The following SGCD variants were observed in gnomAD, a reference collection of about 807,000 sequenced individuals.
SGCD encodes delta-sarcoglycan.
A neutral mutation model predicts 36.6 loss-of-function variants in SGCD; 18 were observed. The observed-to-expected ratio is 0.49, with a 90% confidence interval of 0.34 to 0.73. The LOEUF is 0.73. Ranked by LOEUF, SGCD falls within the 30% of genes least tolerant of loss-of-function variation. SGCD has a pLI of 0.01. For missense variants in SGCD, 387 were observed against 346.7 expected (o/e 1.12, Z -0.92); for synonymous variants, 133 against 130.6 (o/e 1.02, Z -0.12).
intron 1 of SGCD, among the ~76,000 whole-genome samples, chr5:155,912,486 CT>C (rs1756650276): frequency 6.6e-6 from 1 of 152,158 alleles, no homozygotes; most frequent in African/African-American, 2.4e-5. Flanking sequence ...GCATTCGAAA[CT>C]AGTCTCTTCA....
chr5:156,749,752 AC>A (rs2113136264), intron 7 of SGCD, among the ~76,000 whole-genome samples: 1 of 152,144 alleles, frequency 6.6e-6, no homozygotes, highest in African/African-American at 2.4e-5. Context: ...GAAACACAAA[AC>A]CTCTATGAGG....
At chr5:156,746,470 A>G (rs1452736401) in intron 7 of SGCD, among the ~76,000 whole-genome samples, 1 of 152,236 alleles carries the variant, frequency 6.6e-6, no homozygotes, top group Non-Finnish European at 1.5e-5. Flanking sequence ...GATTGTATAA[A>G]CAGTAGTCTT....
chr5:156,586,031 T>A (rs1760477813), intron 4 of SGCD, among the ~76,000 whole-genome samples: 1 of 151,444 alleles, frequency 6.6e-6, no homozygotes, highest in Admixed American at 6.6e-5. Context: ...TATTATTAAC[T>A]AAAGTCCACC....
the SGCD span, among the ~76,000 whole-genome samples, chr5:155,857,703 A>G: frequency 6.6e-6 from 1 of 152,168 alleles, no homozygotes; most frequent in African/African-American, 2.4e-5. Context: ...TTAGGGGCAC[A>G]AAATAGATTA....
chr5:155,835,113 T>G, the SGCD span, among the ~76,000 whole-genome samples: 1 of 145,230 alleles, frequency 6.9e-6, no homozygotes, highest in Non-Finnish European at 1.5e-5. Context: ...GTTCAAGCAA[T>G]TCTCCCTGCC....
chr5:156,597,505 C>G (rs944263093), intron 6 of SGCD, among the ~76,000 whole-genome samples: 5 of 152,160 alleles, frequency 3.3e-5, no homozygotes, highest in African/African-American at 1.2e-4. Flanking sequence ...GACTTATTCA[C>G]GATCATAAGA....
intron 1 of SGCD, among the ~76,000 whole-genome samples, chr5:155,954,297 C>T (rs972964608): frequency 2.0e-5 from 3 of 152,182 alleles, no homozygotes; most frequent in Admixed American, 6.6e-5. Flanking sequence ...AGAAAAGGCA[C>T]GCTTTTGCTT....
At chr5:156,059,469 G>T (rs75991905) in intron 1 of SGCD, among the ~76,000 whole-genome samples, 9,172 of 146,368 alleles carry the variant, frequency 0.063, 1,346 homozygotes, top group African/African-American at 0.2. Context: ...ATCCAAGATT[G>T]CAACACATAT....
chr5:156,308,552 C>T (rs762004583), intron 3 of SGCD, among the ~76,000 whole-genome samples: 21 of 152,202 alleles, frequency 1.4e-4, no homozygotes, highest in Non-Finnish European at 2.6e-4. Flanking sequence ...CCTGCCTTGG[C>T]GTCCCAAAGT....
At chr5:156,697,598 A>T (rs907593335) in intron 7 of SGCD, among the ~76,000 whole-genome samples, 1 of 152,188 alleles carries the variant, frequency 6.6e-6, no homozygotes, top group African/African-American at 2.4e-5. Context: ...ATGTGCTCAT[A>T]TACTACCTTG....
At chr5:156,113,521 T>C (rs1470157120) in intron 1 of SGCD, among the ~76,000 whole-genome samples, 1 of 152,164 alleles carries the variant, frequency 6.6e-6, no homozygotes, top group Non-Finnish European at 1.5e-5. Context: ...AGGATTAATA[T>C]CGTTTGTGTG....
intron 4 of SGCD, among the ~76,000 whole-genome samples, chr5:156,569,262 G>C (rs947756948): frequency 6.6e-6 from 1 of 152,022 alleles, no homozygotes; most frequent in African/African-American, 2.4e-5. Context: ...CTGCCTCATT[G>C]ATCTTTTATT....
At chr5:156,057,879 A>G (rs1760101218) in intron 1 of SGCD, among the ~76,000 whole-genome samples, 1 of 146,432 alleles carries the variant, frequency 6.8e-6, no homozygotes, top group East Asian at 1.9e-4. Context: ...TTGGGAACAA[A>G]TTATCTTGGA....
chr5:156,170,680 G>A (rs1763322047), intron 3 of SGCD, among the ~76,000 whole-genome samples: 1 of 152,160 alleles, frequency 6.6e-6, no homozygotes, highest in Non-Finnish European at 1.5e-5. Flanking sequence ...GCAGTGCCAG[G>A]TAAAACAAAT....
At chr5:156,267,757 G>T (rs1299551680) in intron 3 of SGCD, among the ~76,000 whole-genome samples, 1 of 152,098 alleles carries the variant, frequency 6.6e-6, no homozygotes, top group Admixed American at 6.5e-5. Context: ...AAGCCAAATG[G>T]CATATGATAG....
At chr5:156,681,461 G>A (rs1753719108) in intron 7 of SGCD, among the ~76,000 whole-genome samples, 3 of 152,332 alleles carry the variant, frequency 2.0e-5, no homozygotes, top group Admixed American at 2.0e-4. Context: ...ATGGGCACAG[G>A]ATAGGGGTGG....
intron 7 of SGCD, among the ~76,000 whole-genome samples, chr5:156,715,617 T>G (rs1163998663): frequency 6.6e-6 from 1 of 152,214 alleles, no homozygotes; most frequent in Admixed American, 6.5e-5. Context: ...AAAGTTTAAC[T>G]GTTTGGACTG....
the SGCD span, among the ~76,000 whole-genome samples, chr5:155,804,343 A>T: frequency 1.3e-5 from 2 of 152,208 alleles, no homozygotes; most frequent in African/African-American, 4.8e-5. Flanking sequence ...TGTCCACATT[A>T]CCCTGTTAGA....
At chr5:156,371,796 C>T (rs1770402896) in intron 3 of SGCD, among the ~76,000 whole-genome samples, 2 of 152,230 alleles carry the variant, frequency 1.3e-5, no homozygotes, top group Admixed American at 6.5e-5. Flanking sequence ...CCATGATATG[C>T]TCCGTCTAAT....
Sources: gnomAD v4.1 joint callset for allele counts (sites outside exome capture counted in the v4.1 genomes callset) on GRCh38, gnomAD v4.1.1 for gene constraint, MANE v1.5 for transcripts, NCBI Gene and HGNC (gene_info 2026-07-23, HGNC 2026-07-21) for gene names.